NEDD9: variants seen among roughly 807,000 people sequenced by gnomAD.
NEDD9 encodes neural precursor cell expressed, developmentally down-regulated 9.
Under a neutral mutation model 76.6 loss-of-function variants are expected in NEDD9, and 26 were observed. That is an observed-to-expected ratio of 0.34 (90% CI 0.25 to 0.47). NEDD9 has a LOEUF of 0.47. Among genes scored for constraint, NEDD9 ranks in the 20% least tolerant of loss-of-function variants. NEDD9 has a pLI of 1.00. For missense variants in NEDD9, 937 were observed against 1,058.5 expected, an observed-to-expected ratio of 0.89 and a Z score of 1.59; for synonymous variants, 392 against 414.2, an observed-to-expected ratio of 0.95 and a Z score of 0.65.
chr6:11,335,560 C>T (rs1762139468), intron 1 of NEDD9, among the ~76,000 whole-genome samples: 1 of 152,226 alleles, frequency 6.6e-6, no homozygotes, highest in Admixed American at 6.5e-5. Flanking sequence ...AGTTTTGCCT[C>T]ACCCACCATA....
intron 1 of NEDD9, among the ~76,000 whole-genome samples, chr6:11,230,152 G>A (rs1270451548): frequency 6.6e-6 from 1 of 152,182 alleles, no homozygotes; most frequent in African/African-American, 2.4e-5. Flanking sequence ...TGCCAAACAT[G>A]CACTTCATTT....
At chr6:11,296,329 C>T (rs1321230962) in intron 3 of NEDD9, among the ~76,000 whole-genome samples, 1 of 152,162 alleles carries the variant, frequency 6.6e-6, no homozygotes, top group African/African-American at 2.4e-5. Flanking sequence ...CACTTTTATA[C>T]TTAAGGAACA....
At chr6:11,341,097 A>G (rs1266763278) in intron 1 of NEDD9, among the ~76,000 whole-genome samples, 1 of 152,224 alleles carries the variant, frequency 6.6e-6, no homozygotes, top group Non-Finnish European at 1.5e-5. Context: ...TCTTTGGATT[A>G]TGACCTGAAG....
chr6:11,356,839 C>T (rs1340226165), intron 1 of NEDD9, among the ~76,000 whole-genome samples: 1 of 148,952 alleles, frequency 6.7e-6, no homozygotes, highest in African/African-American at 2.5e-5. Context: ...AACCATCTTT[C>T]TAAAGAATAT....
intron 2 of NEDD9, among the ~76,000 whole-genome samples, chr6:11,325,132 A>C (rs1164408113): frequency 2.6e-5 from 4 of 152,130 alleles, no homozygotes; most frequent in African/African-American, 9.7e-5. Context: ...GAGGTGGTGG[A>C]TCACCTGAGG....
Position 11,241,138 on chromosome 6 carries a change from T to C in NEDD9, c.13-27411A>G, listed in dbSNP as rs1039543946. Among the ~76,000 whole-genome samples the C allele has an allele frequency of 1.3e-5, 2 of 152,250 alleles. No individual in the cohort carries two copies. The highest frequency in any genetic ancestry group is 4.8e-5 in the African/African-American group (2 of 41,462). On this transcript the variant is annotated intron_variant, in intron 3 of 3. Transcript: ENST00000397378. This position sits in a 1 kb window ranked among gnomAD's most constrained non-coding sequence, Gnocchi z 4.0. ...TCTGCCAACATCAAATAAACAGGAA[T>C]GGACTCTCATGGCTGAAATGAGAGT...
chr6:11,303,462 G>A (rs7762842), intron 3 of NEDD9, among the ~76,000 whole-genome samples: 86,526 of 152,054 alleles, frequency 0.57, 25,302 homozygotes, highest in East Asian at 0.79. Context: ...TATAGATTCA[G>A]TGTCATCGCC....
At chr6:11,201,256 A>G (rs1181734636) in intron 2 of NEDD9, among the ~76,000 whole-genome samples, 1 of 152,234 alleles carries the variant, frequency 6.6e-6, no homozygotes, top group Non-Finnish European at 1.5e-5. Context: ...GCATGCTGCT[A>G]GCTCAATGGA....
rs1030666258 is a variant in NEDD9 at position 11,338,260 on chromosome 6, G to A, written c.-213-3699C>T. Among the ~76,000 whole-genome samples, 10 of 152,144 alleles carry A rather than the reference G, an allele frequency of 6.6e-5. 1 individual carries two copies. The highest frequency in any genetic ancestry group is 2.4e-4 in the African/African-American group (10 of 41,442). ...ACATGAACATGAAAGCAGAGATTAG[G>A]GTGATGCCTCTACAAGCCAAGGAAT... On this transcript the variant is annotated intron_variant, in intron 1 of 3. Coordinates refer to the NEDD9 transcript ENST00000397378.
At chr6:11,256,598 C>T (rs1389725875) in intron 3 of NEDD9, among the ~76,000 whole-genome samples, 1 of 152,114 alleles carries the variant, frequency 6.6e-6, no homozygotes, top group Non-Finnish European at 1.5e-5. Flanking sequence ...GTAGCTGGGA[C>T]TACAGGTGCG....
chr6:11,320,083 A>G (rs1011634807), intron 2 of NEDD9, among the ~76,000 whole-genome samples: 61 of 152,312 alleles, frequency 4.0e-4, no homozygotes, highest in Admixed American at 1.3e-4. Context: ...TCCTGGGAGC[A>G]CGGCTGCACT....
At chr6:11,347,195 A>T (rs2113529908) in intron 1 of NEDD9, among the ~76,000 whole-genome samples, 1 of 152,152 alleles carries the variant, frequency 6.6e-6, no homozygotes, top group Non-Finnish European at 1.5e-5. Context: ...ATGTCTGGCC[A>T]CTTCTTTTTA....
In NEDD9 at chr6:11,193,657, T is replaced by A. The variant is rs749988295; in HGVS notation, c.495A>T (p.Val165=). 1 of 1,614,040 alleles carries A rather than the reference T, an allele frequency of 6.2e-7. No individual in the cohort carries two copies. The highest frequency in any genetic ancestry group is 8.5e-7 in the Non-Finnish European group (1 of 1,179,896). ...TTTGGTATCTGGATGGGTACTCGTA[T>A]ACGTAGCCATGGCCTGTCCTCACGG... The part of the protein sequence containing the change: ...ITPVRTGHGY[V]YEYPSRYQKD... The change falls in exon 3 of 7, where the codon GTA becomes GTT. Residue 165 remains valine, a synonymous_variant. Transcript: ENST00000379446.
intron 1 of NEDD9, among the ~76,000 whole-genome samples, chr6:11,338,014 G>C (rs931162054): frequency 2.0e-5 from 3 of 152,134 alleles, no homozygotes; most frequent in Non-Finnish European, 4.4e-5. Flanking sequence ...CTCTGGGTAA[G>C]TGTCCCTTGG....
At chr6:11,229,476 C>T (rs1378946501) in intron 1 of NEDD9, among the ~76,000 whole-genome samples, 1 of 152,034 alleles carries the variant, frequency 6.6e-6, no homozygotes, top group Non-Finnish European at 1.5e-5. Context: ...GAGACCCTTC[C>T]ATCACCCTCC....
intron 2 of NEDD9, among the ~76,000 whole-genome samples, chr6:11,206,949 C>A (rs1333366479): frequency 2.0e-5 from 3 of 152,140 alleles, no homozygotes; most frequent in African/African-American, 7.2e-5. Context: ...TCTGCATAGC[C>A]CCAAAACCCA....
At chr6:11,314,602 A>C (rs1024186648) in intron 2 of NEDD9, among the ~76,000 whole-genome samples, 1 of 152,146 alleles carries the variant, frequency 6.6e-6, no homozygotes, top group Non-Finnish European at 1.5e-5. Flanking sequence ...CATTTCCTAC[A>C]CTGAGGCTTG....
intron 1 of NEDD9, among the ~76,000 whole-genome samples, chr6:11,369,655 A>G (rs1383291234): frequency 6.6e-6 from 1 of 152,236 alleles, no homozygotes; most frequent in South Asian, 2.1e-4. Context: ...AAAACATTTA[A>G]AAATATTTGG....
intron 2 of NEDD9, among the ~76,000 whole-genome samples, chr6:11,318,532 C>T (rs537857649): frequency 1.2e-4 from 19 of 152,184 alleles, no homozygotes; most frequent in Non-Finnish European, 2.4e-4. Flanking sequence ...GCTGTCTTAC[C>T]ATTTCGTCTC....
Sources: allele counts gnomAD v4.1 joint callset (sites outside exome capture counted in the v4.1 genomes callset), GRCh38; gene constraint gnomAD v4.1.1; non-coding constraint Gnocchi (gnomAD v3.1); transcripts MANE v1.5; gene names NCBI Gene and HGNC (gene_info 2026-07-23, HGNC 2026-07-21).